CEP290: variants seen among roughly 807,000 people sequenced by gnomAD.
CEP290 encodes centrosomal protein of 290 kDa.
Under a neutral mutation model 344.9 loss-of-function variants are expected in CEP290, and 317 were observed. That is an observed-to-expected ratio of 0.92 (90% CI 0.84 to 1.01). The LOEUF (loss-of-function observed/expected upper bound fraction) is 1.01. CEP290 is among the 50% of genes least tolerant of loss of function. The pLI is 0.00. For missense variants in CEP290, 2,754 were observed against 2,761.4 expected (o/e 1.00, Z 0.06); for synonymous variants, 932 against 895.8 (o/e 1.04, Z -0.72).
intron 12 of CEP290, among the ~76,000 whole-genome samples, chr12:88,125,745 C>T (rs1188220077): frequency 6.6e-6 from 1 of 151,910 alleles, no homozygotes; most frequent in Non-Finnish European, 1.5e-5. Context: ...AGCTTTTTCC[C>T]CTTTCGTACT....
intron 48 of CEP290, among the ~76,000 whole-genome samples, chr12:88,059,465 T>C (rs2034284381): frequency 6.6e-6 from 1 of 152,198 alleles, no homozygotes; most frequent in South Asian, 2.1e-4. Context: ...TGGAGTGTAG[T>C]GGTGCGATCT....
chr12:88,070,093 G>GCA (rs749474627), intron 43 of CEP290, among the ~76,000 whole-genome samples: 3 of 152,044 alleles, frequency 2.0e-5, no homozygotes, highest in Non-Finnish European at 2.9e-5. Context: ...AGATTGTAAA[G>GCA]CACACACACA....
Position 88,057,061 on chromosome 12 carries a change from G to A in CEP290, c.6819-1344C>T, listed in dbSNP as rs1442784715. On this transcript the variant is annotated intron_variant, in intron 49 of 53. Coordinates refer to ENST00000552810, the MANE Select transcript of CEP290 (RefSeq NM_025114.4). ...TGTATCGTTCTCAGACGAAAAACAC[G>A]TATATGATCTAAAATGCAAAGTCAT... Among the ~76,000 whole-genome samples the A allele has an allele frequency of 5.9e-5, 9 of 152,074 alleles. No individual in the cohort carries two copies. In the East Asian group the frequency reaches 9.6e-4, roughly 16 times the overall value.
intron 19 of CEP290, 134 bp from the exon 20 acceptor site, chr12:88,114,696 A>G: frequency 1.3e-6 from 1 of 778,234 alleles, no homozygotes; most frequent in Non-Finnish European, 1.9e-6. Flanking sequence ...ACATACAAAA[A>G]AATTCAACTA....
At chr12:88,093,129 A>G (rs1436254733) in intron 28 of CEP290, among the ~76,000 whole-genome samples, 1 of 152,130 alleles carries the variant, frequency 6.6e-6, no homozygotes, top group Non-Finnish European at 1.5e-5. Flanking sequence ...CAATCTGCTC[A>G]TTATATTTTA....
At chr12:88,115,587 T>C in intron 18 of CEP290, 1 of 1,264,690 alleles carries the variant, frequency 7.9e-7, no homozygotes, top group South Asian at 1.2e-5. Flanking sequence ...AAAAATTTAA[T>C]AAATTAGACA....
chr12:88,092,592 A>T (rs550944184), intron 29 of CEP290, 89 bp downstream of exon 29: 1 of 1,133,460 alleles, frequency 8.8e-7, no homozygotes, highest in African/African-American at 1.6e-5. Context: ...AATTACTACT[A>T]AGAATTGTAT....
chr12:88,084,659 T>A lies in CEP290; in HGVS notation c.4631A>T (p.Asn1544Ile), dbSNP rs778141154. 2.2e-5 allele frequency: 36 copies of A among 1,613,574 alleles called. No homozygotes were observed. Among genetic ancestry groups the A allele is most frequent in the Non-Finnish European group, 3.1e-5 (36 of 1,179,636 alleles). ...TLKIAHQTIA[N>I]MQARLNQKEE... ...TTTTTGATTTAACCTTGCTTGCATG[T>A]TTGCAATGGTTTGATGAGCAATTTT... The change falls in exon 35 of 54, where the codon AAC becomes ATC. Residue 1544 changes from asparagine (N) to isoleucine (I), a missense_variant. Physicochemically the swap from Asn to Ile is moderately radical, Grantham distance 149 (BLOSUM62 -3). Transcript: ENST00000552810.
intron 50 of CEP290, among the ~76,000 whole-genome samples, chr12:88,055,338 T>C (rs937091158): frequency 1.3e-5 from 2 of 152,060 alleles, no homozygotes; most frequent in African/African-American, 4.8e-5. Context: ...TGGTCATATT[T>C]AGGATATAGT....
intron 20 of CEP290, 131 bp downstream of exon 20, chr12:88,114,289 A>G (rs1238639669): frequency 1.5e-6 from 1 of 675,484 alleles, no homozygotes; most frequent in Non-Finnish European, 2.3e-6. Context: ...GAAAAACTAC[A>G]CTTTACATAC....
chr12:88,060,788 G>A lies in CEP290; in HGVS notation c.6522+42C>T, dbSNP rs146780989. On this transcript the variant is annotated intron_variant, in intron 47 of 53. Transcript: ENST00000552810. ...AAATTTTCCTAAATAGTAACAAAAC[G>A]TAAAATATTCCCCTAAAAATGATCA... The A allele has an allele frequency of 3.1e-4, 443 of 1,420,776 alleles. 7 individuals are homozygous for A. In the East Asian group the frequency reaches 0.011, roughly 34 times the overall value. The allele number at this position is 1,420,776 out of a possible 1,614,324, so 88.0% of individuals were successfully genotyped here. A position where few individuals can be genotyped will look rare whatever the true frequency, so the allele number is the denominator to read the frequency against.
intron 7 of CEP290, 144 bp downstream of exon 7, chr12:88,131,021 A>T (rs2138110811): frequency 1.6e-6 from 1 of 608,962 alleles, no homozygotes; most frequent in South Asian, 3.7e-5. Flanking sequence ...TTTCCCTGAG[A>T]CAAAGTCATA....
intron 19 of CEP290, 56 bp from the exon 20 acceptor site, chr12:88,114,618 A>G: frequency 7.5e-7 from 1 of 1,338,058 alleles, no homozygotes; most frequent in Admixed American, 3.0e-5. Context: ...AATTTACACT[A>G]TGCTATACAG....
intron 46 of CEP290, among the ~76,000 whole-genome samples, chr12:88,062,351 G>A (rs1196615280): frequency 6.6e-6 from 1 of 152,026 alleles, no homozygotes; most frequent in Admixed American, 6.6e-5. Flanking sequence ...TACCAAGCTG[G>A]GAAGATATCA....
In CEP290 at chr12:88,132,949, G is replaced by C. The variant is rs1327758760; in HGVS notation, c.442-1731C>G. Among the ~76,000 whole-genome samples the C allele has an allele frequency of 5.3e-5, 8 of 151,894 alleles. No individual in the cohort carries two copies. The South Asian group carries it at 1.0e-3, about 20-fold the overall frequency. On this transcript the variant is annotated intron_variant, in intron 6 of 53. Coordinates refer to ENST00000552810, the MANE Select transcript of CEP290 (RefSeq NM_025114.4). ...CACCATGTGTCCATGTGTTCTCATT[G>C]TTCAGCTCCCACTTATAAGTGAGAA...
chr12:88,088,614 A>T (rs1241751032), intron 31 of CEP290, among the ~76,000 whole-genome samples: 8 of 152,228 alleles, frequency 5.3e-5, no homozygotes, highest in Admixed American at 4.6e-4. Context: ...ATCTAAATTA[A>T]TGAATCATAA....
intron 26 of CEP290, among the ~76,000 whole-genome samples, chr12:88,099,492 C>G (rs1022968202): frequency 2.0e-5 from 3 of 152,068 alleles, no homozygotes; most frequent in Non-Finnish European, 2.9e-5. Flanking sequence ...TGCCTATTTA[C>G]TACATGCCAG....
intron 46 of CEP290, among the ~76,000 whole-genome samples, chr12:88,061,418 T>C (rs1035666828): frequency 6.6e-6 from 1 of 152,202 alleles, no homozygotes; most frequent in African/African-American, 2.4e-5. Flanking sequence ...GAGGCAATTT[T>C]CTCTAAGAAA....
intron 17 of CEP290, among the ~76,000 whole-genome samples, chr12:88,118,177 T>C (rs1050333661): frequency 1.3e-5 from 2 of 152,034 alleles, no homozygotes; most frequent in African/African-American, 4.8e-5. Flanking sequence ...TAACAACATA[T>C]TGGTGCTGTC....
Sources: gnomAD v4.1 joint callset for allele counts (sites outside exome capture counted in the v4.1 genomes callset) on GRCh38, gnomAD v4.1.1 for gene constraint, MANE v1.5 for transcripts, NCBI Gene and HGNC (gene_info 2026-07-23, HGNC 2026-07-21) for gene names.